The following REV3L variants were observed in gnomAD, a reference collection of about 807,000 sequenced individuals.
The protein encoded by REV3L is REV3 like, DNA directed polymerase zeta catalytic subunit, also known as DNA polymerase zeta catalytic subunit.
In REV3L, 69 loss-of-function variants were observed where a neutral mutation model predicts 299.4. The ratio of observed to expected loss-of-function variants is 0.23; its 90% confidence interval spans 0.19 to 0.28. The LOEUF is 0.28. Among genes scored for constraint, REV3L ranks in the 10% least tolerant of loss-of-function variants. REV3L has a pLI of 1.00. For synonymous variants in REV3L, 1,238 were observed against 1,271.4 expected (o/e 0.97, Z 0.56); for missense variants, 3,128 against 3,693.8 (o/e 0.85, Z 3.97).
intron 4 of REV3L, among the ~76,000 whole-genome samples, chr6:111,400,673 T>A (rs1782998739): frequency 6.6e-6 from 1 of 152,166 alleles, no homozygotes; most frequent in Admixed American, 6.5e-5. Flanking sequence ...GTCTTTTCAT[T>A]TTTTAACAGT....
intron 27 of REV3L, among the ~76,000 whole-genome samples, chr6:111,314,354 G>A (rs927911657): frequency 2.6e-5 from 4 of 152,256 alleles, no homozygotes; most frequent in Middle Eastern, 3.4e-3. Context: ...CTAGAGAGGC[G>A]TGGGACACTG....
At chr6:111,396,778 T>C (rs997245862) in intron 4 of REV3L, among the ~76,000 whole-genome samples, 4 of 151,708 alleles carry the variant, frequency 2.6e-5, no homozygotes, top group Non-Finnish European at 5.9e-5. Context: ...CTTCCTCCCA[T>C]CTTGACCTTC....
At chr6:111,309,004 C>T (rs916754640) in intron 30 of REV3L, among the ~76,000 whole-genome samples, 3 of 152,194 alleles carry the variant, frequency 2.0e-5, no homozygotes, top group Admixed American at 2.0e-4. Context: ...TTCAGTGCCC[C>T]GCTGCTCAAA....
intron 1 of REV3L, among the ~76,000 whole-genome samples, chr6:111,458,847 A>G (rs1456716820): frequency 2.6e-5 from 4 of 152,086 alleles, no homozygotes; most frequent in African/African-American, 7.2e-5. Flanking sequence ...CATTAAAATG[A>G]CCATACTGCC....
intron 16 of REV3L, chr6:111,361,335 G>A (rs1404378147): frequency 6.7e-6 from 1 of 148,216 alleles, no homozygotes; most frequent in East Asian, 2.0e-4. Context: ...AGTGAGCTGA[G>A]ATTGTGCCAT....
intron 13 of REV3L, among the ~76,000 whole-genome samples, chr6:111,368,758 T>C (rs1779477389): frequency 6.6e-6 from 1 of 152,234 alleles, no homozygotes; most frequent in Non-Finnish European, 1.5e-5. Flanking sequence ...CTTGATACTA[T>C]TTCTGCTTAC....
intron 1 of REV3L, among the ~76,000 whole-genome samples, chr6:111,480,124 A>C (rs767835060): frequency 5.9e-5 from 9 of 152,224 alleles, no homozygotes; most frequent in Non-Finnish European, 1.2e-4. Context: ...AAGCAAAGTC[A>C]ATTTTAAAAC....
intron 3 of REV3L, among the ~76,000 whole-genome samples, chr6:111,406,977 G>A (rs1399846018): frequency 6.6e-6 from 1 of 152,016 alleles, no homozygotes; most frequent in Non-Finnish European, 1.5e-5. Flanking sequence ...AATTATCTTA[G>A]ATTTAAAAAT....
At chr6:111,455,397 A>G (rs1790052881) in intron 1 of REV3L, among the ~76,000 whole-genome samples, 1 of 152,204 alleles carries the variant, frequency 6.6e-6, no homozygotes, top group South Asian at 2.1e-4. Flanking sequence ...GAGCAAGAGC[A>G]AGCAGTTCAG....
rs147443139 is a variant in REV3L at position 111,387,801 on chromosome 6, T to C, written c.1060A>G (p.Met354Val). The change falls in exon 9 of 32, where the codon ATG becomes GTG. Residue 354 changes from methionine (M) to valine (V), a missense_variant. Physicochemically the swap from Met to Val is conservative, Grantham distance 21. Coordinates refer to ENST00000368802, the MANE Select transcript of REV3L (RefSeq NM_001372078.1). ...PEMLQCTPAN[M>V]VEVHKDKESS... Reference sequence around the variant, plus strand: ...TCTTTGTCTTTGTGAACTTCTACCATATTGGCTGGTGTACACTGAAGCATT... The same window carrying C: ...TCTTTGTCTTTGTGAACTTCTACCACATTGGCTGGTGTACACTGAAGCATT... 554 of 1,613,992 alleles carry C rather than the reference T, an allele frequency of 3.4e-4. No individual in the cohort carries two copies. The highest frequency in any genetic ancestry group is 4.3e-4 in the Non-Finnish European group (510 of 1,179,920).
intron 22 of REV3L, among the ~76,000 whole-genome samples, chr6:111,334,226 C>T (rs1386280955): frequency 6.6e-6 from 1 of 152,214 alleles, no homozygotes; most frequent in Non-Finnish European, 1.5e-5. Context: ...GTGTGAGCCA[C>T]TGCACCTGGC....
At chr6:111,466,242 G>A (rs1269246261) in intron 1 of REV3L, among the ~76,000 whole-genome samples, 1 of 152,148 alleles carries the variant, frequency 6.6e-6, no homozygotes, top group Non-Finnish European at 1.5e-5. Flanking sequence ...GAAAAGCACT[G>A]TGATAAAAGA....
intron 1 of REV3L, among the ~76,000 whole-genome samples, chr6:111,429,181 T>A (rs897047085): frequency 6.6e-6 from 1 of 152,246 alleles, no homozygotes; most frequent in Non-Finnish European, 1.5e-5. Context: ...TTTTATTTTT[T>A]AAATCTTCTT....
At chr6:111,347,615 T>TA (rs1464203258) in intron 20 of REV3L, among the ~76,000 whole-genome samples, 1 of 152,214 alleles carries the variant, frequency 6.6e-6, no homozygotes, top group Non-Finnish European at 1.5e-5. Context: ...CTTTTAAATA[T>TA]AAACATTTTA....
At chr6:111,450,470 C>T (rs1278462830) in intron 1 of REV3L, among the ~76,000 whole-genome samples, 2 of 116,898 alleles carry the variant, frequency 1.7e-5, no homozygotes, top group South Asian at 5.5e-4. Context: ...CAGAGCAAGA[C>T]CCTGTCTCAA....
intron 1 of REV3L, among the ~76,000 whole-genome samples, chr6:111,444,858 C>CA (rs1788658005): frequency 1.3e-5 from 2 of 152,136 alleles, no homozygotes; most frequent in African/African-American, 4.8e-5. Flanking sequence ...TTTCACAAAG[C>CA]AGGTTAATGT....
intron 20 of REV3L, among the ~76,000 whole-genome samples, chr6:111,346,378 T>C (rs1777025039): frequency 6.6e-6 from 1 of 152,180 alleles, no homozygotes; most frequent in Middle Eastern, 3.2e-3. Context: ...ATTTTGCTTG[T>C]CACTACGAAT....
intron 2 of REV3L, among the ~76,000 whole-genome samples, chr6:111,414,195 A>T (rs1163200452): frequency 6.6e-6 from 1 of 152,136 alleles, no homozygotes; most frequent in African/African-American, 2.4e-5. Context: ...AAAAACAGTA[A>T]TAATAATAAT....
intron 3 of REV3L, among the ~76,000 whole-genome samples, chr6:111,408,108 C>A (rs1484437059): frequency 1.3e-5 from 2 of 152,060 alleles, no homozygotes; most frequent in African/African-American, 4.8e-5. Flanking sequence ...ACGGGAATAG[C>A]CGACAGATGG....
Sources: gnomAD v4.1 joint callset for allele counts (sites outside exome capture counted in the v4.1 genomes callset) on GRCh38, gnomAD v4.1.1 for gene constraint, MANE v1.5 for transcripts, NCBI Gene and HGNC (gene_info 2026-07-23, HGNC 2026-07-21) for gene names.